ABLIM1: variants seen among roughly 807,000 people sequenced by gnomAD.
ABLIM1 encodes actin-binding LIM protein 1.
A neutral mutation model predicts 107.0 loss-of-function variants in ABLIM1; 40 were observed. The ratio of observed to expected loss-of-function variants is 0.37; its 90% CI spans 0.29 to 0.49. The LOEUF (loss-of-function observed/expected upper bound fraction) is 0.49. Among genes scored for constraint, ABLIM1 ranks in the 20% least tolerant of loss-of-function variants. The pLI, the probability that ABLIM1 is intolerant of heterozygous loss-of-function variation, is 0.97. For missense variants in ABLIM1, 857 were observed against 1,008.5 expected, an observed-to-expected ratio of 0.85 and a Z score of 2.04; for synonymous variants, 357 against 357.3, an observed-to-expected ratio of 1.00 and a Z score of 0.01.
At position 114,465,817 on chromosome 10, in the gene ABLIM1, T is replaced by C. The variant is rs1300748316; in HGVS notation, c.1322A>G (p.Asp441Gly). 1 of 1,613,914 alleles carries C rather than the reference T, an allele frequency of 6.2e-7. No homozygotes were observed. The highest frequency in any genetic ancestry group is 8.5e-7 in the Non-Finnish European group (1 of 1,179,992). The part of the protein sequence containing the change: ...SPTPSAEGYQ[D>G]VRDRMIHRST... ...CCGATGGATCATCCGATCCCGAACA[T>C]CCTGGTACCCCTGGAAACAAAGTTC... is the stretch of plus-strand genomic sequence containing the variant. Residue 441 changes from aspartate (D) to glycine (G), a missense_variant, in exon 12 of 23, where the codon GAT (aspartate) becomes GGT (glycine). By Grantham distance (94) the Asp-to-Gly change is moderately conservative. Coordinates refer to ENST00000533213, the MANE Select transcript of ABLIM1 (RefSeq NM_002313.7).
intron 6 of ABLIM1, among the ~76,000 whole-genome samples, chr10:114,515,087 A>G (rs1590763970): frequency 6.6e-6 from 1 of 152,352 alleles, no homozygotes; most frequent in East Asian, 1.9e-4. Flanking sequence ...GCGCGTGCAT[A>G]AAATCACATT....
intron 1 of ABLIM1, among the ~76,000 whole-genome samples, chr10:114,614,304 T>C (rs1319500487): frequency 1.3e-5 from 2 of 151,650 alleles, no homozygotes; most frequent in African/African-American, 4.8e-5. Flanking sequence ...ATACAAAAAT[T>C]AGCCAGGTGT....
At chr10:114,578,817 C>A (rs1179193225) in intron 2 of ABLIM1, among the ~76,000 whole-genome samples, 2 of 120,114 alleles carry the variant, frequency 1.7e-5, no homozygotes, top group Admixed American at 9.3e-5. Flanking sequence ...TGGAGTTTCA[C>A]TCTTTGTTGC....
intron 1 of ABLIM1, among the ~76,000 whole-genome samples, chr10:114,729,002 C>T (rs1381046876): frequency 1.3e-5 from 2 of 152,222 alleles, no homozygotes; most frequent in South Asian, 2.1e-4. Flanking sequence ...TTCAAATATA[C>T]TGAGCATAAG....
chr10:114,439,348 C>G (rs2059878049), intron 20 of ABLIM1, 98 bp from the exon 21 acceptor site: 1 of 1,173,542 alleles, frequency 8.5e-7, no homozygotes, highest in Non-Finnish European at 1.3e-6. Context: ...GTCTCCAATC[C>G]TAACCACTAT....
At chr10:114,551,313 T>C (rs968453259) in intron 4 of ABLIM1, among the ~76,000 whole-genome samples, 1 of 152,228 alleles carries the variant, frequency 6.6e-6, no homozygotes, top group African/African-American at 2.4e-5. Flanking sequence ...CCCAGAGCTA[T>C]GAAATAAGCA....
At chr10:114,476,864 CT>C (rs1384948621) in intron 8 of ABLIM1, among the ~76,000 whole-genome samples, 2 of 152,102 alleles carry the variant, frequency 1.3e-5, no homozygotes, top group Non-Finnish European at 2.9e-5. Flanking sequence ...ATTTTCCAAA[CT>C]TAATGTCAAA....
chr10:114,520,246 C>T (rs927680244), intron 6 of ABLIM1, among the ~76,000 whole-genome samples: 4 of 152,196 alleles, frequency 2.6e-5, no homozygotes, highest in African/African-American at 4.8e-5. Context: ...ATTTATATGT[C>T]GACAAGGGCT....
chr10:114,533,813 A>T (rs2065701021), intron 6 of ABLIM1, among the ~76,000 whole-genome samples: 1 of 152,112 alleles, frequency 6.6e-6, no homozygotes, highest in African/African-American at 2.4e-5. Flanking sequence ...AATAGCTGGG[A>T]CTATAGACCC....
intron 10 of ABLIM1, 81 bp from the exon 11 acceptor site, chr10:114,468,297 T>A (rs138132630): frequency 1.2e-5 from 16 of 1,358,236 alleles, no homozygotes; most frequent in Non-Finnish European, 1.5e-5. Context: ...TTGTTTGAGA[T>A]GGAGTCTCGC....
intron 2 of ABLIM1, among the ~76,000 whole-genome samples, chr10:114,591,648 T>C (rs893385234): frequency 6.6e-6 from 1 of 152,314 alleles, no homozygotes; most frequent in Admixed American, 6.5e-5. Context: ...TTTCTCATAC[T>C]TAACAAAAAT....
Position 114,684,805 on chromosome 10 carries a change from AG to A in ABLIM1, c.-453del, listed in dbSNP as rs144486814. ...TAACTGAAACACATGAAATAAAGAA[AG>A]AAAAGGATCGATTATTCCCCAGCCT... is the stretch of plus-strand genomic sequence containing the variant. On this transcript the variant is annotated 5_prime_UTR_variant, in exon 1 of 24. Coordinates refer to the ABLIM1 transcript ENST00000369256. 2,726 of 853,328 alleles carry A rather than the reference AG, an allele frequency of 3.2e-3. 54 individuals carry two copies. In the African/African-American group the frequency reaches 0.039, roughly 12 times the overall value. 52.9% of individuals were successfully genotyped at this position (853,328 alleles called of 1,614,324 possible).
At chr10:114,570,055 CTGG>C (rs1399564597) in intron 4 of ABLIM1, among the ~76,000 whole-genome samples, 3 of 152,186 alleles carry the variant, frequency 2.0e-5, no homozygotes, top group Non-Finnish European at 1.5e-5. Context: ...CTGAATTTCT[CTGG>C]TGCAGAAGTG....
intron 1 of ABLIM1, among the ~76,000 whole-genome samples, chr10:114,761,263 C>T (rs1208552925): frequency 3.6e-5 from 3 of 84,332 alleles, no homozygotes; most frequent in Admixed American, 2.3e-4. Flanking sequence ...CTCAAGAAAT[C>T]GGCAAAAAAA....
chr10:114,735,292 T>G (rs1313423678), intron 1 of ABLIM1, among the ~76,000 whole-genome samples: 1 of 152,210 alleles, frequency 6.6e-6, no homozygotes, highest in Non-Finnish European at 1.5e-5. Flanking sequence ...TATCTAAGAT[T>G]ATTATTTTGT....
At chr10:114,687,000 G>A (rs1010782527), upstream of ABLIM1, among the ~76,000 whole-genome samples, 3 of 152,168 alleles carry the variant, frequency 2.0e-5, no homozygotes, top group Admixed American at 2.0e-4. Context: ...ACACGGTTGT[G>A]TGTTCCTTAT....
intron 1 of ABLIM1, among the ~76,000 whole-genome samples, chr10:114,667,552 A>C (rs1405582479): frequency 6.6e-6 from 1 of 152,174 alleles, no homozygotes; most frequent in Non-Finnish European, 1.5e-5. Flanking sequence ...ATACTGCAAA[A>C]AGCATAGATC....
chr10:114,688,272 C>G (rs2080989746), upstream of ABLIM1, among the ~76,000 whole-genome samples: 1 of 152,154 alleles, frequency 6.6e-6, no homozygotes, highest in Non-Finnish European at 1.5e-5. Context: ...ATGAGCTTTT[C>G]TGTTATCAAC....
Position 114,768,051 on chromosome 10 carries a change from C to T in ABLIM1, c.-213+10G>A, listed in dbSNP as rs1223548334. The stretch of plus-strand genomic sequence containing the variant: ...GGTCAGTGGACGGTGCCCACCTGGT[C>T]CCCACTCACCTCTGGCGGACATGGT... On this transcript the variant is annotated intron_variant, in intron 1 of 15. Coordinates refer to the ABLIM1 transcript ENST00000651092. The T allele has an allele frequency of 3.0e-5, 13 of 431,418 alleles. No homozygotes were observed. In the Admixed American group the frequency reaches 3.2e-4, roughly 11 times the overall value. 26.7% of individuals were successfully genotyped at this position (431,418 alleles called of 1,614,324 possible).
Sources: gnomAD v4.1 joint callset for allele counts (sites outside exome capture counted in the v4.1 genomes callset) on GRCh38, gnomAD v4.1.1 for gene constraint, MANE v1.5 for transcripts, NCBI Gene and HGNC (gene_info 2026-07-23, HGNC 2026-07-21) for gene names.